Variants in TPH2 observed in about 807,000 individuals in gnomAD.
The protein encoded by TPH2 is tryptophan 5-hydroxylase 2.
Under a neutral mutation model 59.1 loss-of-function variants are expected in TPH2, and 27 were observed. The ratio of observed to expected loss-of-function variants is 0.46; its 90% confidence interval spans 0.34 to 0.63. TPH2 has a LOEUF of 0.63. Among genes scored for constraint, TPH2 ranks in the 30% least tolerant of loss-of-function variants. TPH2 has a pLI of 0.01. For missense variants in TPH2, 523 were observed against 588.3 expected (o/e 0.89, Z 1.15); for synonymous variants, 220 against 210.5 (o/e 1.05, Z -0.39).
chr12:71,985,983 C>A (rs1049787843), intron 7 of TPH2, among the ~76,000 whole-genome samples: 1 of 152,218 alleles, frequency 6.6e-6, no homozygotes, highest in Non-Finnish European at 1.5e-5. Context: ...TTTCTAAGCA[C>A]TGCAGACCCA....
intron 7 of TPH2, among the ~76,000 whole-genome samples, chr12:71,989,990 T>G (rs1872544857): frequency 6.6e-6 from 1 of 151,884 alleles, no homozygotes; most frequent in Non-Finnish European, 1.5e-5. Context: ...CATGATGTTT[T>G]ACAGTGTTAA....
intron 5 of TPH2, chr12:71,962,770 G>A: frequency 1.2e-6 from 1 of 839,326 alleles, no homozygotes; most frequent in Non-Finnish European, 1.4e-6. Context: ...CCAAGCTGAG[G>A]TGCAGTGGCA....
chr12:72,008,533 G>C (rs1873015343), intron 8 of TPH2, among the ~76,000 whole-genome samples: 1 of 152,138 alleles, frequency 6.6e-6, no homozygotes, highest in African/African-American at 2.4e-5. Context: ...GCACTTCAAG[G>C]GAGGCAGGAC....
rs181277000 is a variant in TPH2 at position 71,981,498 on chromosome 12, G to A, written c.941+2411G>A. 6.2e-3 allele frequency among the ~76,000 whole-genome samples: 941 copies of A among 152,238 alleles called. 3 individuals carry two copies. The highest frequency in any genetic ancestry group is 0.02 in the Middle Eastern group (6 of 294). ...TTCTATGAAGGAATATAGTTCAAAA[G>A]GTGTGGAGCTAGATGAGGTCAGAGG... On this transcript the variant is annotated intron_variant, in intron 7 of 10. Transcript: ENST00000333850.
At chr12:71,949,913 A>G (rs996876005) in intron 5 of TPH2, among the ~76,000 whole-genome samples, 2 of 152,112 alleles carry the variant, frequency 1.3e-5, no homozygotes, top group Non-Finnish European at 2.9e-5. Context: ...CAAGACAAAG[A>G]CCATTTCTGT....
At chr12:72,021,663 A>C (rs1384077336) in intron 8 of TPH2, among the ~76,000 whole-genome samples, 1 of 152,132 alleles carries the variant, frequency 6.6e-6, no homozygotes, top group Non-Finnish European at 1.5e-5. Flanking sequence ...AGATGTATTA[A>C]ACACATTTTC....
chr12:71,970,669 C>T (rs1871947995), intron 5 of TPH2, among the ~76,000 whole-genome samples: 1 of 152,224 alleles, frequency 6.6e-6, no homozygotes, highest in Non-Finnish European at 1.5e-5. Context: ...ATACTTATTT[C>T]CTTACATCTT....
chr12:71,959,414 C>T (rs944772797), intron 5 of TPH2, among the ~76,000 whole-genome samples: 9 of 152,258 alleles, frequency 5.9e-5, no homozygotes, highest in African/African-American at 1.7e-4. Context: ...CAGTACTGTG[C>T]GCACTAGGGC....
At chr12:71,956,894 G>T (rs929539149) in intron 5 of TPH2, among the ~76,000 whole-genome samples, 5 of 152,118 alleles carry the variant, frequency 3.3e-5, no homozygotes, top group African/African-American at 2.4e-5. Flanking sequence ...ACAGGTGTGA[G>T]CCACTGTGGC....
intron 9 of TPH2, among the ~76,000 whole-genome samples, chr12:72,024,041 C>T (rs11830135): frequency 2.0e-5 from 3 of 152,104 alleles, no homozygotes; most frequent in Non-Finnish European, 4.4e-5. Context: ...CAAATCCCAG[C>T]CATCTAGGCT....
At chr12:71,965,832 A>C (rs934124455) in intron 5 of TPH2, among the ~76,000 whole-genome samples, 2 of 152,124 alleles carry the variant, frequency 1.3e-5, no homozygotes, top group African/African-American at 4.8e-5. Flanking sequence ...CCCACTTGCC[A>C]ATTTTTGCTT....
Position 72,032,438 on chromosome 12 carries a change from G to C in TPH2, c.*743G>C, listed in dbSNP as rs1873749123. The C allele has an allele frequency of 6.6e-6, 1 of 152,192 alleles. No individual in the cohort carries two copies. 9.4% of individuals were successfully genotyped at this position (152,192 alleles called of 1,614,324 possible). A position where few individuals can be genotyped will look rare whatever the true frequency, so the allele number is the denominator to read the frequency against. Reference sequence around the variant, plus strand: ...ATGCTGGAATAAAGTAAATTATCATGTTCAGGTGTTTAAACAATTTTTTTC... The same window carrying C: ...ATGCTGGAATAAAGTAAATTATCATCTTCAGGTGTTTAAACAATTTTTTTC... On this transcript the variant is annotated 3_prime_UTR_variant, in exon 11 of 11. Coordinates refer to ENST00000333850, the MANE Select transcript of TPH2 (RefSeq NM_173353.4).
chr12:72,006,948 C>G (rs1872970227), intron 8 of TPH2, among the ~76,000 whole-genome samples: 1 of 152,082 alleles, frequency 6.6e-6, no homozygotes, highest in African/African-American at 2.4e-5. Context: ...TTTCACATGA[C>G]TATACTCTCA....
At chr12:72,005,200 A>T (rs1478026593) in intron 8 of TPH2, among the ~76,000 whole-genome samples, 4 of 152,094 alleles carry the variant, frequency 2.6e-5, no homozygotes, top group African/African-American at 9.7e-5. Context: ...GGAGGAGTAA[A>T]TCACCTTGTG....
At chr12:71,961,585 G>A (rs755319656) in intron 5 of TPH2, 1 of 1,352,116 alleles carries the variant, frequency 7.4e-7, no homozygotes, top group Non-Finnish European at 9.8e-7. Flanking sequence ...ATTGGCGACT[G>A]GGAATTTCAG....
chr12:72,017,953 GA>G (rs1317377161), intron 8 of TPH2, among the ~76,000 whole-genome samples: 3 of 152,108 alleles, frequency 2.0e-5, no homozygotes, highest in Non-Finnish European at 1.5e-5. Flanking sequence ...CACCAGTATT[GA>G]AAACAGAAAG....
chr12:71,953,475 A>G (rs1871409617), intron 5 of TPH2, among the ~76,000 whole-genome samples: 1 of 152,056 alleles, frequency 6.6e-6, no homozygotes, highest in African/African-American at 2.4e-5. Flanking sequence ...GGCCTTGTCC[A>G]TTTTCTCCAG....
chr12:72,024,013 T>C (rs1183063142), intron 9 of TPH2, among the ~76,000 whole-genome samples: 1 of 152,094 alleles, frequency 6.6e-6, no homozygotes, highest in Admixed American at 6.5e-5. Context: ...ACACAGTTAA[T>C]AAGTGTTGAT....
chr12:71,943,812 T>C (rs760977763), intron 2 of TPH2, among the ~76,000 whole-genome samples: 1 of 151,978 alleles, frequency 6.6e-6, no homozygotes, highest in African/African-American at 2.4e-5. Context: ...TTGTACTGTC[T>C]ACTTATAAAA....
Sources: gnomAD v4.1 joint callset for allele counts (sites outside exome capture counted in the v4.1 genomes callset) on GRCh38, gnomAD v4.1.1 for gene constraint, MANE v1.5 for transcripts, NCBI Gene and HGNC (gene_info 2026-07-23, HGNC 2026-07-21) for gene names.